The following C3orf18 variants were observed in gnomAD, a reference collection of about 807,000 sequenced individuals.
C3orf18 encodes chromosome 3 open reading frame 18, also known as uncharacterized protein C3orf18.
A neutral mutation model predicts 14.1 loss-of-function variants in C3orf18; 12 were observed. That is an observed-to-expected ratio of 0.85 (90% CI 0.55 to 1.38). The LOEUF (loss-of-function observed/expected upper bound fraction) is 1.38. C3orf18 is among the 40% of genes most tolerant of loss of function. The pLI, the probability that C3orf18 is intolerant of heterozygous loss-of-function variation, is 0.00. For missense variants in C3orf18, 196 were observed against 213.9 expected (o/e 0.92, Z 0.52); for synonymous variants, 82 against 87.9 (o/e 0.93, Z 0.38).
At chr3:50,568,845 A>AT (rs1041455047), upstream of C3orf18, among the ~76,000 whole-genome samples, 26 of 152,234 alleles carry the variant, frequency 1.7e-4, no homozygotes, top group African/African-American at 6.3e-4. Flanking sequence ...GCTGCCGAGT[A>AT]TTTTATAGAA....
upstream of C3orf18, chr3:50,572,056 G>C: frequency 6.2e-7 from 1 of 1,608,180 alleles, no homozygotes; most frequent in Non-Finnish European, 8.5e-7. Flanking sequence ...CTCAACCCAG[G>C]CATGGTCCTG....
chr3:50,572,352 T>C, upstream of C3orf18: 1 of 819,762 alleles, frequency 1.2e-6, no homozygotes, highest in Non-Finnish European at 1.9e-6. Flanking sequence ...CCTCTCTGAC[T>C]GTGTTGGCAG....
In C3orf18 at chr3:50,565,479, AG is replaced by A; in HGVS notation, c.220del (p.Leu74TrpfsTer99). Reference protein sequence around the residue: ...LSFGIITVIGLAVALVLYIRK... With the variant: ...LSFGIITVIGXAVALVLYIRK... ...CCCAGCTCTCACCAAGGCCACAGCC[AG>A]GCCTATCACCGTGATGATCCCAAAG... On this transcript the variant is annotated frameshift_variant, in exon 3 of 6. Coordinates refer to ENST00000357203, the MANE Select transcript of C3orf18 (RefSeq NM_016210.5). LOFTEE classifies it high-confidence loss of function. The surrounding 1 kb of genome is among the most constrained non-coding windows in gnomAD (Gnocchi z 4.4). 1 of 1,613,638 alleles carries A rather than the reference AG, an allele frequency of 6.2e-7. No individual in the cohort carries two copies. The highest frequency in any genetic ancestry group is 2.2e-5 in the East Asian group (1 of 44,886).
At chr3:50,560,792 G>T in intron 5 of C3orf18, 125 bp downstream of exon 5, 1 of 1,060,540 alleles carries the variant, frequency 9.4e-7, no homozygotes, top group Non-Finnish European at 1.3e-6. Flanking sequence ...GGAAAAAGCC[G>T]TATACCCAAT....
upstream of C3orf18, among the ~76,000 whole-genome samples, chr3:50,572,710 C>T (rs1701143211): frequency 6.6e-6 from 1 of 152,224 alleles, no homozygotes; most frequent in African/African-American, 2.4e-5. Context: ...ATCTGGTGGC[C>T]CTCTTAGGTC....
At chr3:50,571,774 G>A (rs1381412575), upstream of C3orf18, 6 of 1,614,150 alleles carry the variant, frequency 3.7e-6, no homozygotes, top group South Asian at 2.2e-5. Flanking sequence ...CAGTGTATCC[G>A]GGAGCTGAGT....
chr3:50,562,385 A>G, intron 3 of C3orf18: 1 of 437,128 alleles, frequency 2.3e-6, no homozygotes, highest in South Asian at 1.7e-5. Context: ...GTGGCTCCCC[A>G]GGGCTGAAGA....
At chr3:50,571,764 CAGTGTA>C, upstream of C3orf18, 1 of 1,614,054 alleles carries the variant, frequency 6.2e-7, no homozygotes, top group Non-Finnish European at 8.5e-7. Context: ...TCAGCAACTA[CAGTGTA>C]TCCGGGAGCT....
upstream of C3orf18, among the ~76,000 whole-genome samples, chr3:50,572,998 C>T (rs796293483): frequency 6.6e-6 from 1 of 152,210 alleles, no homozygotes; most frequent in South Asian, 2.1e-4. Flanking sequence ...ACAAACATTT[C>T]TGGGAAAGGT....
At chr3:50,562,314 G>GC (rs1700030955) in intron 3 of C3orf18, 1 of 368,444 alleles carries the variant, frequency 2.7e-6, no homozygotes, top group Admixed American at 3.4e-5. Flanking sequence ...GGACTGGTGG[G>GC]CCCCACCTAT....
chr3:50,565,912 T>C lies in C3orf18; in HGVS notation c.-162-51A>G, dbSNP rs1700264497. 3.5e-6 allele frequency: 2 copies of C among 579,286 alleles called. No individual in the cohort carries two copies. Among genetic ancestry groups the C allele is most frequent in the East Asian group, 5.7e-5 (2 of 34,986 alleles). 35.9% of individuals were successfully genotyped at this position (579,286 alleles called of 1,614,324 possible). A position where few individuals can be genotyped will look rare whatever the true frequency, so the allele number is the denominator to read the frequency against. ...GAGGCTAAGGACAGGGGCTCAGTAG[T>C]GAGATGAAGTCTCTCTAGGTTCTGA... On this transcript the variant is annotated intron_variant, in intron 2 of 5. Transcript: ENST00000357203. This position sits in a 1 kb window ranked among gnomAD's most constrained non-coding sequence, Gnocchi z 4.4.
At position 50,558,848 on chromosome 3, in the gene C3orf18, G is replaced by A. The variant is rs1359478293; in HGVS notation, c.*809C>T. The A allele has an allele frequency of 7.8e-7, 1 of 1,289,840 alleles. No homozygotes were observed. The highest frequency in any genetic ancestry group is 1.0e-6 in the Non-Finnish European group (1 of 988,868). The allele number at this position is 1,289,840 out of a possible 1,614,324, so 79.9% of individuals were successfully genotyped here. A position where few individuals can be genotyped will look rare whatever the true frequency, so the allele number is the denominator to read the frequency against. ...TGGGGTAGAGGTCGACTTGGAGGGT[G>A]GGGCCAGTGTGGACAATCTCATTCT... On this transcript the variant is annotated 3_prime_UTR_variant, in exon 6 of 6. Coordinates refer to ENST00000357203, the MANE Select transcript of C3orf18 (RefSeq NM_016210.5).
rs1699821867 is a variant in C3orf18, at chr3:50,559,165, C to T, written c.*492G>A. ...GCTCCATCTCTGGGCTTCTCAGGGC[C>T]CATAACAGATGCTGCCCTACCCTGT... On this transcript the variant is annotated 3_prime_UTR_variant, in exon 6 of 6. Coordinates refer to ENST00000357203, the MANE Select transcript of C3orf18 (RefSeq NM_016210.5). 7.8e-7 allele frequency: 1 copy of T among 1,289,798 alleles called. No homozygotes were observed. The highest frequency in any genetic ancestry group is 1.2e-5 in the South Asian group (1 of 81,036). The allele number at this position is 1,289,798 out of a possible 1,614,324, so 79.9% of individuals were successfully genotyped here. A position where few individuals can be genotyped will look rare whatever the true frequency, so the allele number is the denominator to read the frequency against.
chr3:50,566,253 T>C (rs923157989), intron 1 of C3orf18, among the ~76,000 whole-genome samples, 159 bp from the exon 2 acceptor site: 3 of 149,998 alleles, frequency 2.0e-5, no homozygotes, highest in Admixed American at 6.7e-5. Context: ...GGGGAAAAAA[T>C]ACCACAGCTT....
Position 50,565,414 on chromosome 3 carries a change from C to G in C3orf18, c.234+52G>C. On this transcript the variant is annotated intron_variant, in intron 3 of 5. Coordinates refer to ENST00000357203, the MANE Select transcript of C3orf18 (RefSeq NM_016210.5). This position sits in a 1 kb window ranked among gnomAD's most constrained non-coding sequence, Gnocchi z 4.4. ...AGATTGTCTTCTGATTGATTAGGTT[C>G]TCTATAAATCTAAACACTGATTATC... The G allele has an allele frequency of 7.6e-7, 1 of 1,314,702 alleles. No individual in the cohort carries two copies. Among genetic ancestry groups the G allele is most frequent in the Non-Finnish European group, 1.1e-6 (1 of 921,024 alleles). 81.4% of individuals were successfully genotyped at this position (1,314,702 alleles called of 1,614,324 possible).
intron 3 of C3orf18, chr3:50,562,635 T>C (rs1700058821): frequency 4.5e-6 from 2 of 444,418 alleles, no homozygotes; most frequent in South Asian, 3.3e-5. Flanking sequence ...CCAGACTCTG[T>C]AGCGTGTAGA....
At chr3:50,569,611 C>G (rs1432159900), upstream of C3orf18, 2 of 152,216 alleles carry the variant, frequency 1.3e-5, no homozygotes, top group Non-Finnish European at 2.9e-5. Flanking sequence ...CGGGGTGTTT[C>G]GACTGCAACC....
At position 50,559,506 on chromosome 3, in the gene C3orf18, G is replaced by T; in HGVS notation, c.*151C>A. The T allele has an allele frequency of 7.0e-7, 1 of 1,430,976 alleles. No homozygotes were observed. Among genetic ancestry groups the T allele is most frequent in the Non-Finnish European group, 9.2e-7 (1 of 1,089,518 alleles). 88.6% of individuals were successfully genotyped at this position (1,430,976 alleles called of 1,614,324 possible). A position where few individuals can be genotyped will look rare whatever the true frequency, so the allele number is the denominator to read the frequency against. On this transcript the variant is annotated 3_prime_UTR_variant, in exon 6 of 6. Transcript: ENST00000357203. Reference sequence around the variant, plus strand: ...CCTCTCTTAGAGTCTAAAGTCAGCAGGTGGGTCTGGAGAACAGCTAGGACC... The same window carrying T: ...CCTCTCTTAGAGTCTAAAGTCAGCATGTGGGTCTGGAGAACAGCTAGGACC...
intron 3 of C3orf18, among the ~76,000 whole-genome samples, chr3:50,564,162 C>T (rs1286682885): frequency 6.6e-6 from 1 of 152,246 alleles, no homozygotes; most frequent in African/African-American, 2.4e-5. Context: ...GAGCAACATG[C>T]TCCTAAGCCC....
Sources: gnomAD v4.1 joint callset for allele counts (sites outside exome capture counted in the v4.1 genomes callset) on GRCh38, gnomAD v4.1.1 for gene constraint, Gnocchi (gnomAD v3.1) non-coding constraint, MANE v1.5 for transcripts, NCBI Gene and HGNC (gene_info 2026-07-23, HGNC 2026-07-21) for gene names.